Variants in EPHA10 observed in about 807,000 individuals in gnomAD.
EPHA10 encodes the protein ephrin type-A receptor 10.
A neutral mutation model predicts 109.7 loss-of-function variants in EPHA10; 120 were observed. The ratio of observed to expected loss-of-function variants is 1.09; its 90% CI spans 0.94 to 1.27. EPHA10 has a LOEUF of 1.27. EPHA10 is among the 50% of genes most tolerant of loss of function. The probability of loss-of-function intolerance (pLI) is 0.00; values close to 1 mark genes in which losing one functional copy is unlikely to be tolerated. For synonymous variants in EPHA10, 640 were observed against 618.9 expected, an observed-to-expected ratio of 1.03 and a Z score of -0.51; for missense variants, 1,396 against 1,411.1, an observed-to-expected ratio of 0.99 and a Z score of 0.17.
chr1:37,735,584 A>T (rs530065756), intron 5 of EPHA10, among the ~76,000 whole-genome samples, 194 bp from the exon 6 acceptor site: 45 of 152,170 alleles, frequency 3.0e-4, no homozygotes, highest in Middle Eastern at 3.4e-3. Flanking sequence ...GTGGGACCAG[A>T]GGAAAGAAGC....
Position 37,761,709 on chromosome 1 carries a change from C to A in EPHA10, c.546G>T (p.Pro182=). 1 of 1,613,408 alleles carries A rather than the reference C, an allele frequency of 6.2e-7. No individual in the cohort carries two copies. The highest frequency in any genetic ancestry group is 1.1e-5 in the South Asian group (1 of 91,068). Residue 182 remains proline (P), a synonymous_variant, in exon 3 of 17, where the codon CCG becomes CCT. Coordinates refer to ENST00000373048, the MANE Select transcript of EPHA10 (RefSeq NM_001099439.2). ...KLNTEVREIG[P]LSRRGFHLAF... The stretch of plus-strand genomic sequence containing the variant: ...CCAGGTGGAAACCCCGCCGGCTGAG[C>A]GGTCCGATCTCGCGCACCTCTGTGT...
chr1:37,761,423 G>T lies in EPHA10; in HGVS notation c.832C>A (p.Arg278Ser), dbSNP rs1240052436. Residue 278 changes from arginine (R) to serine (S), a missense_variant, in exon 3 of 17, where the codon CGT (arginine) becomes AGT (serine). Arg to Ser is a moderately radical substitution (Grantham distance 110). Transcript: ENST00000373048. ...TGGATACCTTCGCAGAAGTCACCACGCTCCTGGAATCCCGCGCTGCAGCTG... is the reference window on the plus strand; with the variant it reads ...TGGATACCTTCGCAGAAGTCACCACTCTCCTGGAATCCCGCGCTGCAGCTG... ...RCSCSAGFQE[R>S]GDFCEACPPG... 4.4e-6 allele frequency: 7 copies of T among 1,599,152 alleles called. No individual in the cohort carries two copies. The highest frequency in any genetic ancestry group is 1.1e-5 in the South Asian group (1 of 91,052).
In EPHA10 at chr1:37,727,198, G is replaced by C. The variant is rs55935760; in HGVS notation, c.1676C>G (p.Ser559Cys). ...GACAATGGCGGGGCTCTGGTCCCTG[G>C]ACCCTGAGGCAGCTGGGAGGAAAAT... ...VQTLGEAASG[S>C]RDQSPAIVVT... The change falls in exon 8 of 17, where the codon TCC (serine) becomes TGC (cysteine). Residue 559 changes from serine (S) to cysteine (C), a missense_variant. Ser to Cys is a moderately radical substitution (Grantham distance 112). Coordinates refer to ENST00000373048, the MANE Select transcript of EPHA10 (RefSeq NM_001099439.2). 9.7e-5 allele frequency: 155 copies of C among 1,604,484 alleles called. No homozygotes were observed. In the East Asian group the frequency reaches 2.2e-3, roughly 22 times the overall value.
At chr1:37,725,712 G>A (rs1441334793) in intron 8 of EPHA10, among the ~76,000 whole-genome samples, 1 of 152,104 alleles carries the variant, frequency 6.6e-6, no homozygotes, top group African/African-American at 2.4e-5. Context: ...GGAGAGATGG[G>A]TGGAGATGAA....
Position 37,761,566 on chromosome 1 carries a change from A to T in EPHA10, c.689T>A (p.Phe230Tyr), listed in dbSNP as rs781032115. ...TCCGGCCACTTCCACCAGTGTGGAG[A>T]AGGCGCTCTCGGCTGCGGTGGCTGG... ...TFPATAAESA[F>Y]STLVEVAGTC... Residue 230 changes from phenylalanine (F) to tyrosine (Y), a missense_variant, in exon 3 of 17, where the codon TTC becomes TAC. Phe to Tyr is a conservative substitution (Grantham distance 22, BLOSUM62 3). Coordinates refer to ENST00000373048, the MANE Select transcript of EPHA10 (RefSeq NM_001099439.2). The T allele has an allele frequency of 2.5e-6, 4 of 1,598,766 alleles. No homozygotes were observed. Among genetic ancestry groups the T allele is most frequent in the Non-Finnish European group, 3.4e-6 (4 of 1,176,732 alleles).
intron 5 of EPHA10, among the ~76,000 whole-genome samples, chr1:37,745,090 T>C (rs1646210433): frequency 2.0e-5 from 3 of 152,174 alleles, no homozygotes; most frequent in African/African-American, 7.2e-5. Context: ...GGTCCTCCTC[T>C]AGAATCATCA....
chr1:37,733,399 G>A (rs1018728705), intron 6 of EPHA10, among the ~76,000 whole-genome samples: 3 of 151,806 alleles, frequency 2.0e-5, no homozygotes, highest in Non-Finnish European at 4.4e-5. Context: ...TTTCTTTTTT[G>A]TAGAGGTGGC....
chr1:37,743,008 TATAATA>T (rs535254655), intron 5 of EPHA10, among the ~76,000 whole-genome samples: 2 of 151,164 alleles, frequency 1.3e-5, no homozygotes, highest in Non-Finnish European at 2.9e-5. Context: ...ATAATAATAA[TATAATA>T]ATAATAATAA....
Position 37,719,987 on chromosome 1 carries a change from G to A in EPHA10, c.2484C>T (p.Asp828=), listed in dbSNP as rs199748160. 184 of 1,614,066 alleles carry A rather than the reference G, an allele frequency of 1.1e-4. 1 individual carries two copies. The South Asian group carries it at 1.3e-3, about 11-fold the overall frequency. Residue 828 remains aspartate, a synonymous_variant, in exon 14 of 17, where the codon GAC becomes GAT. Coordinates refer to ENST00000373048, the MANE Select transcript of EPHA10 (RefSeq NM_001099439.2). ...LQFGHFSSAS[D]VWSFGIIMWE... is the part of the protein sequence containing the mutation. ...ACATGATGATGCCGAAGCTCCACAC[G>A]TCACTGGCAGAGCTGAAGTGGCCAA...
rs913597196 is a variant in EPHA10 at position 37,717,242 on chromosome 1, G to A, written c.*1130C>T. ...ACCACTTCTGCCAGGGCTCTTCAAAGTCAGAGCAGGGAGGGGCTCCATGGA... is the reference window on the plus strand; with the variant it reads ...ACCACTTCTGCCAGGGCTCTTCAAAATCAGAGCAGGGAGGGGCTCCATGGA... On this transcript the variant is annotated 3_prime_UTR_variant, in exon 17 of 17. Coordinates refer to ENST00000373048, the MANE Select transcript of EPHA10 (RefSeq NM_001099439.2). 1 of 232,846 alleles carries A rather than the reference G, an allele frequency of 4.3e-6. No homozygotes were observed. The highest frequency in any genetic ancestry group is 8.5e-6 in the Non-Finnish European group (1 of 117,880). The allele number at this position is 232,846 out of a possible 1,614,324, so 14.4% of individuals were successfully genotyped here.
At position 37,719,568 on chromosome 1, in the gene EPHA10, G is replaced by A; in HGVS notation, c.2602C>T (p.Pro868Ser). 1 of 1,613,842 alleles carries A rather than the reference G, an allele frequency of 6.2e-7. No individual in the cohort carries two copies. The highest frequency in any genetic ancestry group is 8.5e-7 in the Non-Finnish European group (1 of 1,180,006). Residue 868 changes from proline (P) to serine (S), a missense_variant, in exon 15 of 17, where the codon CCC (proline) becomes TCC (serine). Physicochemically the swap from Pro to Ser is moderately conservative, Grantham distance 74. Transcript: ENST00000373048. ...TGCAGAAGGTTAGGACAGTTCCTGG[G>A]GGGTGGCAGCCGGAAGCCATCCTCC... ...AVEDGFRLPP[P>S]RNCPNLLHRL...
intron 6 of EPHA10, 32 bp downstream of exon 6, chr1:37,735,225 A>G: frequency 6.4e-7 from 1 of 1,559,742 alleles, no homozygotes; most frequent in Non-Finnish European, 8.7e-7. Context: ...GGTGCGGGGC[A>G]GGCTCCAGGT....
chr1:37,719,139 A>G, intron 15 of EPHA10: 1 of 593,822 alleles, frequency 1.7e-6, no homozygotes, highest in South Asian at 2.1e-5. Flanking sequence ...CATTGGAACT[A>G]CAAATGTGTT....
At chr1:37,761,231 A>G (rs1646426909) in intron 3 of EPHA10, 174 bp downstream of exon 3, 3 of 1,497,512 alleles carry the variant, frequency 2.0e-6, no homozygotes, top group Admixed American at 2.3e-5. Context: ...ATTGGCCCTG[A>G]CTGGACTCAC....
Position 37,721,846 on chromosome 1 carries a change from C to A in EPHA10, c.1961-1G>T. 1 of 1,579,620 alleles carries A rather than the reference C, an allele frequency of 6.3e-7. No homozygotes were observed. The highest frequency in any genetic ancestry group is 2.3e-5 in the East Asian group (1 of 43,632). On this transcript the variant is annotated splice_acceptor_variant, in intron 10 of 16. Transcript: ENST00000373048. LOFTEE classifies it high-confidence loss of function. ...CCACAGCACAGCTCCCCAAACCGCC[C>A]TGTGGGGAAACAGCACCTCAGATAC...
At chr1:37,751,199 C>T (rs1448332954) in intron 5 of EPHA10, among the ~76,000 whole-genome samples, 1 of 45,766 alleles carries the variant, frequency 2.2e-5, no homozygotes, top group Non-Finnish European at 3.8e-5. Flanking sequence ...CGAGACTCCT[C>T]TCAAAAAAAA....
chr1:37,721,989 G>C (rs1645806356), intron 10 of EPHA10, 144 bp from the exon 11 acceptor site: 1 of 776,888 alleles, frequency 1.3e-6, no homozygotes. Flanking sequence ...AAATTAACCA[G>C]ACAAGGTGGC....
At position 37,720,041 on chromosome 1, in the gene EPHA10, C is replaced by T. The variant is rs780958682; in HGVS notation, c.2430G>A (p.Ala810=). 1.1e-5 allele frequency: 17 copies of T among 1,613,386 alleles called. No homozygotes were observed. Among genetic ancestry groups the T allele is most frequent in the Non-Finnish European group, 1.4e-5 (17 of 1,180,018 alleles). ...GAAGTGTCTCGGGAGCGGCCCATAG[C>T]GCTGGGCTCCGGCCACTCTGTAGGG... ...VYTTMSGRSP[A]LWAAPETLQF... is the part of the protein sequence containing the mutation. Residue 810 remains alanine, a synonymous_variant, in exon 14 of 17, where the codon GCG becomes GCA. Coordinates refer to ENST00000373048, the MANE Select transcript of EPHA10 (RefSeq NM_001099439.2).
At chr1:37,730,699 CT>C (rs554130597) in intron 7 of EPHA10, among the ~76,000 whole-genome samples, 8 of 149,238 alleles carry the variant, frequency 5.4e-5, no homozygotes, top group East Asian at 2.0e-4. Flanking sequence ...CACAATCCTT[CT>C]TTTTTTTTTG....
Sources: gnomAD v4.1 joint callset for allele counts (sites outside exome capture counted in the v4.1 genomes callset) on GRCh38, gnomAD v4.1.1 for gene constraint, MANE v1.5 for transcripts, NCBI Gene and HGNC (gene_info 2026-07-23, HGNC 2026-07-21) for gene names.